The following CELF2 variants were observed in gnomAD, a reference collection of about 807,000 sequenced individuals.
CELF2 encodes the protein CUG triplet repeat RNA-binding protein 2.
In CELF2, 8 loss-of-function variants were observed where a neutral mutation model predicts 62.6. The ratio of observed to expected loss-of-function variants is 0.13; its 90% CI spans 0.07 to 0.23. The LOEUF (loss-of-function observed/expected upper bound fraction) is 0.23, where lower values mean the gene tolerates loss of function less well. Ranked by LOEUF, CELF2 falls within the 10% of genes least tolerant of loss-of-function variation. CELF2 has a pLI of 1.00. For missense variants in CELF2, 333 were observed against 671.0 expected (o/e 0.50, Z 5.56); for synonymous variants, 258 against 250.0 (o/e 1.03, Z -0.30).
At chr10:11,123,480 G>A (rs2058131657) in intron 1 of CELF2, among the ~76,000 whole-genome samples, 1 of 152,060 alleles carries the variant, frequency 6.6e-6, no homozygotes, top group African/African-American at 2.4e-5. Flanking sequence ...AAACTCCTGG[G>A]CTCAAGAGAC....
In CELF2 at chr10:11,060,514, A is replaced by C. The variant is rs567237682; in HGVS notation, c.74+42351A>C. On this transcript the variant is annotated intron_variant, in intron 1 of 12. Coordinates refer to ENST00000633077, the MANE Select transcript of CELF2 (RefSeq NM_001326342.2). ...CCTACCCTCAATGCTCCTGTCTTTAAAACTCTCCTTGGCTGCTCTTAGAAG... is the reference window on the plus strand; with the variant it reads ...CCTACCCTCAATGCTCCTGTCTTTACAACTCTCCTTGGCTGCTCTTAGAAG... 4.6e-5 allele frequency among the ~76,000 whole-genome samples: 7 copies of C among 152,330 alleles called. No homozygotes were observed. The South Asian group carries it at 1.0e-3, about 23-fold the overall frequency.
the CELF2 span, among the ~76,000 whole-genome samples, chr10:10,681,919 T>C: frequency 1.3e-5 from 2 of 152,220 alleles, no homozygotes; most frequent in Non-Finnish European, 2.9e-5. Context: ...GTGTAGTAAA[T>C]GGATTTCAGT....
the CELF2 span, among the ~76,000 whole-genome samples, chr10:10,471,737 A>G: frequency 6.6e-6 from 1 of 151,878 alleles, no homozygotes; most frequent in Non-Finnish European, 1.5e-5. Flanking sequence ...TATAGCCTGT[A>G]TATAAAAGAT....
the CELF2 span, among the ~76,000 whole-genome samples, chr10:10,727,092 C>T: frequency 6.6e-6 from 1 of 152,170 alleles, no homozygotes; most frequent in Non-Finnish European, 1.5e-5. Flanking sequence ...TTAGAAATCA[C>T]CCATCACGAT....
the CELF2 span, among the ~76,000 whole-genome samples, chr10:10,634,036 G>A: frequency 6.6e-6 from 1 of 151,932 alleles, no homozygotes; most frequent in East Asian, 1.9e-4. Flanking sequence ...CAAGCAGTCT[G>A]CTTTCCTAGA....
intron 1 of CELF2, among the ~76,000 whole-genome samples, chr10:11,025,237 G>GTATATATATATATATATA (rs763592456): frequency 2.2e-4 from 11 of 49,764 alleles, no homozygotes; most frequent in African/African-American, 4.2e-4. Context: ...GTGTGTGTGT[G>GTATATATATATATATATA]TGTATATGTA....
intron 1 of CELF2, among the ~76,000 whole-genome samples, chr10:11,120,701 C>T (rs968977944): frequency 3.3e-5 from 5 of 152,182 alleles, no homozygotes; most frequent in Admixed American, 6.5e-5. Flanking sequence ...CTAGGGAGTG[C>T]TTAATTTCTC....
At chr10:11,249,774 C>T (rs146661254) in intron 4 of CELF2, among the ~76,000 whole-genome samples, 4 of 152,194 alleles carry the variant, frequency 2.6e-5, no homozygotes, top group African/African-American at 9.7e-5. Context: ...TGATGAGGTC[C>T]ATAAACAATT....
At chr10:10,801,998 G>A (rs2054710351) in intron 1 of CELF2, among the ~76,000 whole-genome samples, 1 of 152,020 alleles carries the variant, frequency 6.6e-6, no homozygotes, top group African/African-American at 2.4e-5. Flanking sequence ...TACCCCAAGG[G>A]ACATAAAAGA....
chr10:10,764,232 T>C, the CELF2 span, among the ~76,000 whole-genome samples: 1 of 152,236 alleles, frequency 6.6e-6, no homozygotes. Context: ...TAATTCATAT[T>C]TGAAAGGGAA....
At chr10:10,744,464 A>G in the CELF2 span, among the ~76,000 whole-genome samples, 1 of 152,192 alleles carries the variant, frequency 6.6e-6, no homozygotes, top group Admixed American at 6.5e-5. Context: ...TATGACACCT[A>G]ATTATTCCCA....
the CELF2 span, among the ~76,000 whole-genome samples, chr10:10,638,036 TACTC>T: frequency 6.6e-6 from 1 of 152,110 alleles, no homozygotes; most frequent in African/African-American, 2.4e-5. Context: ...TCTTGAGAAA[TACTC>T]ACTTCAATTG....
At chr10:10,807,612 T>C (rs372154746) in intron 1 of CELF2, among the ~76,000 whole-genome samples, 1 of 152,216 alleles carries the variant, frequency 6.6e-6, no homozygotes, top group African/African-American at 2.4e-5. Context: ...GTTTCTATTT[T>C]GTTTACAAAA....
chr10:10,784,433 A>G, the CELF2 span: 3 of 152,392 alleles, frequency 2.0e-5, no homozygotes, highest in Admixed American at 2.0e-4. Context: ...GGTCACACAC[A>G]GACTTGAAAG....
the CELF2 span, among the ~76,000 whole-genome samples, chr10:10,525,756 C>T: frequency 1.1e-4 from 17 of 152,170 alleles, no homozygotes; most frequent in African/African-American, 3.1e-4. Context: ...TGATGGATTC[C>T]GTATCTTTCC....
chr10:10,660,370 T>C, the CELF2 span, among the ~76,000 whole-genome samples: 1 of 152,196 alleles, frequency 6.6e-6, no homozygotes, highest in African/African-American at 2.4e-5. Context: ...AGCAAAGGTC[T>C]TAATTTTGGT....
chr10:10,483,483 G>A, the CELF2 span, among the ~76,000 whole-genome samples: 7 of 152,136 alleles, frequency 4.6e-5, no homozygotes, highest in African/African-American at 1.4e-4. Flanking sequence ...TGCACAAACC[G>A]AAGGGTGGGT....
intron 1 of CELF2, among the ~76,000 whole-genome samples, chr10:11,128,032 T>C (rs2059011026): frequency 6.6e-6 from 1 of 152,252 alleles, no homozygotes; most frequent in South Asian, 2.1e-4. Context: ...TTTAAGTCTT[T>C]AATCCATCTT....
chr10:10,956,741 A>G (rs1457977204), intron 2 of CELF2, among the ~76,000 whole-genome samples: 1 of 152,088 alleles, frequency 6.6e-6, no homozygotes, highest in Non-Finnish European at 1.5e-5. Flanking sequence ...AGCTTGGGCA[A>G]CATAGCAAGA....
Sources: allele counts gnomAD v4.1 joint callset (sites outside exome capture counted in the v4.1 genomes callset), GRCh38; gene constraint gnomAD v4.1.1; transcripts MANE v1.5; gene names NCBI Gene and HGNC (gene_info 2026-07-23, HGNC 2026-07-21).